The following GOLGA4 variants were observed in gnomAD, a reference collection of about 807,000 sequenced individuals.
The protein encoded by GOLGA4 is golgin A4.
Under a neutral mutation model 265.9 loss-of-function variants are expected in GOLGA4, and 169 were observed. The observed-to-expected ratio is 0.64, with a 90% CI of 0.56 to 0.72. The LOEUF (loss-of-function observed/expected upper bound fraction) is 0.72, where lower values mean the gene tolerates loss of function less well. Among genes scored for constraint, GOLGA4 ranks in the 30% least tolerant of loss-of-function variants. The pLI, the probability that GOLGA4 is intolerant of heterozygous loss-of-function variation, is 0.00. For synonymous variants in GOLGA4, 923 were observed against 855.8 expected (o/e 1.08, Z -1.37); for missense variants, 2,482 against 2,483.4 (o/e 1.00, Z 0.01).
At chr3:37,253,412 CTTTA>C (rs2096739575) in intron 2 of GOLGA4, among the ~76,000 whole-genome samples, 1 of 151,830 alleles carries the variant, frequency 6.6e-6, no homozygotes, top group African/African-American at 2.4e-5. Context: ...TTGAAAAATC[CTTTA>C]TTTATTATAA....
At chr3:37,335,030 T>G (rs2097005357) in intron 16 of GOLGA4, 23 bp from the exon 17 acceptor site, 1 of 1,406,964 alleles carries the variant, frequency 7.1e-7, no homozygotes. Flanking sequence ...TTTCCTTTTT[T>G]TCTTTTTTTT....
At chr3:37,315,385 C>A (rs747296034) in intron 10 of GOLGA4, 35 bp from the exon 11 acceptor site, 11 of 1,546,224 alleles carry the variant, frequency 7.1e-6, no homozygotes, top group Non-Finnish European at 9.7e-6. Flanking sequence ...GATAATATTT[C>A]TTGAGATACT....
At chr3:37,361,880 C>T (rs191664763) in intron 23 of GOLGA4, among the ~76,000 whole-genome samples, 30 of 152,344 alleles carry the variant, frequency 2.0e-4, no homozygotes, top group African/African-American at 6.7e-4. Flanking sequence ...GAATGTGATT[C>T]TTCCTGATTA....
intron 2 of GOLGA4, among the ~76,000 whole-genome samples, chr3:37,264,162 T>C (rs73825051): frequency 1.0e-3 from 154 of 152,336 alleles, no homozygotes; most frequent in African/African-American, 3.1e-3. Flanking sequence ...TGTTTTTCTT[T>C]TAAAATTTCA....
intron 10 of GOLGA4, among the ~76,000 whole-genome samples, chr3:37,306,998 AC>A (rs2096908195): frequency 1.3e-5 from 2 of 152,192 alleles, no homozygotes; most frequent in Admixed American, 1.3e-4. Flanking sequence ...TAAAAAAGTA[AC>A]CCATGCCACA....
At chr3:37,296,369 A>G (rs2096878371) in intron 7 of GOLGA4, 150 bp downstream of exon 7, 3 of 684,698 alleles carry the variant, frequency 4.4e-6, no homozygotes, top group Admixed American at 5.9e-5. Flanking sequence ...AACATAGAGA[A>G]AACCCTTCTC....
At chr3:37,243,668 A>G (rs1314905855) in intron 1 of GOLGA4, 46 bp downstream of exon 1, 1 of 1,492,688 alleles carries the variant, frequency 6.7e-7, no homozygotes, top group East Asian at 2.3e-5. Context: ...ATACCTCTTG[A>G]ACCGGCCCGC....
At chr3:37,358,965 T>C (rs1438743874) in intron 22 of GOLGA4, among the ~76,000 whole-genome samples, 1 of 152,220 alleles carries the variant, frequency 6.6e-6, no homozygotes, top group Non-Finnish European at 1.5e-5. Context: ...GATTATACTA[T>C]CTCTAAGGTT....
chr3:37,303,648 CA>C (rs2096898825), intron 10 of GOLGA4, among the ~76,000 whole-genome samples: 1 of 152,186 alleles, frequency 6.6e-6, no homozygotes, highest in South Asian at 2.1e-4. Flanking sequence ...CAGGAGTCAT[CA>C]GCCTAGGATC....
At chr3:37,362,556 A>G (rs1696388348) in intron 23 of GOLGA4, among the ~76,000 whole-genome samples, 1 of 151,262 alleles carries the variant, frequency 6.6e-6, no homozygotes, top group Admixed American at 6.6e-5. Flanking sequence ...TTTTTTTAAA[A>G]AATAAGTAAA....
intron 16 of GOLGA4, 27 bp from the exon 17 acceptor site, chr3:37,335,023 CCTT>C: frequency 7.5e-7 from 1 of 1,337,826 alleles, no homozygotes; most frequent in Non-Finnish European, 1.0e-6. Flanking sequence ...TTTTTCTTTT[CCTT>C]TTTTTCTTTT....
At chr3:37,252,001 G>A (rs2096735269) in intron 2 of GOLGA4, among the ~76,000 whole-genome samples, 1 of 152,140 alleles carries the variant, frequency 6.6e-6, no homozygotes, top group Admixed American at 6.6e-5. Flanking sequence ...TTTAATAGTT[G>A]AAGTTTTCAG....
chr3:37,321,633 G>A, intron 12 of GOLGA4, 98 bp from the exon 13 acceptor site: 2 of 1,058,928 alleles, frequency 1.9e-6, no homozygotes, highest in East Asian at 4.8e-5. Context: ...AACAGGGCTG[G>A]GTGCAGATCA....
chr3:37,263,974 G>A (rs1468537791), intron 2 of GOLGA4, among the ~76,000 whole-genome samples: 1 of 152,024 alleles, frequency 6.6e-6, no homozygotes, highest in Non-Finnish European at 1.5e-5. Flanking sequence ...GACTTTCTCA[G>A]GCATAAGAAG....
chr3:37,348,438 C>A (rs1221772248), intron 21 of GOLGA4, among the ~76,000 whole-genome samples: 1 of 151,816 alleles, frequency 6.6e-6, no homozygotes, highest in Non-Finnish European at 1.5e-5. Context: ...TCAAAAAGTT[C>A]AAGGGTAGCT....
intron 20 of GOLGA4, among the ~76,000 whole-genome samples, chr3:37,344,496 T>G (rs2097049790): frequency 6.7e-6 from 1 of 149,688 alleles, no homozygotes; most frequent in African/African-American, 2.4e-5. Flanking sequence ...CACTGTCTTT[T>G]TTTTTTTTTT....
chr3:37,349,999 C>T (rs1419336080), intron 21 of GOLGA4, among the ~76,000 whole-genome samples: 1 of 152,090 alleles, frequency 6.6e-6, no homozygotes, highest in Non-Finnish European at 1.5e-5. Flanking sequence ...GGTTTTGATC[C>T]TCCATGCTAA....
chr3:37,271,168 C>T (rs1004158736), intron 2 of GOLGA4, among the ~76,000 whole-genome samples: 41 of 152,120 alleles, frequency 2.7e-4, no homozygotes, highest in Non-Finnish European at 1.6e-4. Flanking sequence ...GCTCACCCAC[C>T]GCTCTCCTGC....
At chr3:37,280,007 C>A (rs943333253) in intron 2 of GOLGA4, among the ~76,000 whole-genome samples, 1 of 151,944 alleles carries the variant, frequency 6.6e-6, no homozygotes, top group Non-Finnish European at 1.5e-5. Context: ...TTTCTTCTTA[C>A]CTAAAAAAAG....
Sources: gnomAD v4.1 joint callset for allele counts (sites outside exome capture counted in the v4.1 genomes callset) on GRCh38, gnomAD v4.1.1 for gene constraint, MANE v1.5 for transcripts, NCBI Gene and HGNC (gene_info 2026-07-23, HGNC 2026-07-21) for gene names.